The following GLT1D1 variants were observed in gnomAD, a reference collection of about 807,000 sequenced individuals.
The protein encoded by GLT1D1 is glycosyltransferase 1 domain-containing protein 1.
A neutral mutation model predicts 28.7 loss-of-function variants in GLT1D1; 21 were observed. The ratio of observed to expected loss-of-function variants is 0.73; its 90% CI spans 0.52 to 1.05. GLT1D1 has a LOEUF of 1.05. Among genes scored for constraint, GLT1D1 ranks in the 50% least tolerant of loss-of-function variants. The probability of loss-of-function intolerance (pLI) is 0.00; values close to 1 mark genes in which losing one functional copy is unlikely to be tolerated. For missense variants in GLT1D1, 343 were observed against 330.6 expected, an observed-to-expected ratio of 1.04 and a Z score of -0.29; for synonymous variants, 147 against 124.8, an observed-to-expected ratio of 1.18 and a Z score of -1.19.
intron 4 of GLT1D1, among the ~76,000 whole-genome samples, chr12:128,909,174 AT>A (rs886943593): frequency 6.6e-6 from 1 of 151,844 alleles, no homozygotes; most frequent in African/African-American, 2.4e-5. Flanking sequence ...GTGTCTGGAC[AT>A]TTTTTTTCTA....
intron 7 of GLT1D1, among the ~76,000 whole-genome samples, chr12:128,976,716 A>T (rs1423664604): frequency 6.6e-6 from 1 of 152,214 alleles, no homozygotes; most frequent in Admixed American, 6.5e-5. Flanking sequence ...TAACGTTTTA[A>T]ATCTGCCAGC....
At chr12:128,980,363 C>G (rs1593223245) in intron 7 of GLT1D1, among the ~76,000 whole-genome samples, 1 of 152,340 alleles carries the variant, frequency 6.6e-6, no homozygotes, top group African/African-American at 2.4e-5. Context: ...TCACGGTTCT[C>G]TTGTTGAAGA....
intron 4 of GLT1D1, among the ~76,000 whole-genome samples, chr12:128,914,315 C>T (rs1871861976): frequency 6.6e-6 from 1 of 152,048 alleles, no homozygotes; most frequent in Admixed American, 6.6e-5. Flanking sequence ...CTGTTACTTC[C>T]TGGCATTTTT....
Position 128,881,080 on chromosome 12 carries a change from C to T in GLT1D1, c.217+5018C>T, listed in dbSNP as rs541504102. On this transcript the variant is annotated intron_variant, in intron 2 of 7. Coordinates refer to ENST00000281703, the MANE Select transcript of GLT1D1 (RefSeq NM_144669.3). ...TCTACTAAAAATACAAAAATTTAGCCGGGCGTGTTGGCGGGCGCCTGTAGT... is the reference window on the plus strand; with the variant it reads ...TCTACTAAAAATACAAAAATTTAGCTGGGCGTGTTGGCGGGCGCCTGTAGT... Among the ~76,000 whole-genome samples, 303 of 151,364 alleles carry T rather than the reference C, an allele frequency of 2.0e-3. 1 individual carries two copies. Among genetic ancestry groups the T allele is most frequent in the African/African-American group, 7.0e-3 (289 of 41,282 alleles).
chr12:128,874,082 TTCTTTCTTTCTTTCTTTCTC>T (rs1486696365), intron 1 of GLT1D1, among the ~76,000 whole-genome samples: 1 of 14,780 alleles, frequency 6.8e-5, no homozygotes, highest in African/African-American at 2.0e-4. Context: ...CTTTCTTTCT[TTCTTTCTTTCTTTCTTTCTC>T]TCTCTCTCTC....
intron 7 of GLT1D1, among the ~76,000 whole-genome samples, chr12:128,965,732 A>AAAAG (rs1555220849): frequency 0.024 from 2,513 of 104,364 alleles, 265 homozygotes; most frequent in Middle Eastern, 0.042. Flanking sequence ...AAAAAAAAAA[A>AAAAG]AAAGAAAAAG....
At chr12:128,920,417 G>A (rs887354684) in intron 4 of GLT1D1, among the ~76,000 whole-genome samples, 6 of 152,192 alleles carry the variant, frequency 3.9e-5, no homozygotes, top group African/African-American at 1.4e-4. Context: ...AGCCAGGTGT[G>A]GTAGTGCATG....
intron 4 of GLT1D1, among the ~76,000 whole-genome samples, chr12:128,924,069 A>C (rs1872931548): frequency 1.3e-5 from 2 of 151,978 alleles, no homozygotes; most frequent in South Asian, 4.1e-4. Context: ...CCCAACCCTC[A>C]CTGGGTCCTG....
At chr12:128,904,678 T>C (rs946126273) in intron 4 of GLT1D1, among the ~76,000 whole-genome samples, 3 of 145,104 alleles carry the variant, frequency 2.1e-5, no homozygotes, top group African/African-American at 8.0e-5. Context: ...CTGTTGCCCA[T>C]GCTGGAGTGC....
chr12:128,860,166 C>T (rs574303058), intron 1 of GLT1D1, among the ~76,000 whole-genome samples: 2 of 152,312 alleles, frequency 1.3e-5, no homozygotes, highest in South Asian at 2.1e-4. Context: ...TAGCATAAAG[C>T]ATTTCAGAAA....
At chr12:128,954,778 C>T (rs1278508912) in intron 6 of GLT1D1, among the ~76,000 whole-genome samples, 30 of 152,116 alleles carry the variant, frequency 2.0e-4, no homozygotes, top group Admixed American at 2.0e-3. Context: ...AGCAAGACCC[C>T]ATTGCTACAA....
chr12:128,971,474 C>CTG (rs1879068042), intron 7 of GLT1D1, among the ~76,000 whole-genome samples: 1 of 57,004 alleles, frequency 1.8e-5, no homozygotes, highest in East Asian at 1.3e-3. Context: ...CCCTCTGCCT[C>CTG]CCTCCCTCCC....
intron 7 of GLT1D1, among the ~76,000 whole-genome samples, chr12:128,962,361 G>A (rs1878054324): frequency 6.6e-6 from 1 of 152,256 alleles, no homozygotes; most frequent in South Asian, 2.1e-4. Context: ...CATCTAAGAA[G>A]GGACAGGACT....
intron 1 of GLT1D1, among the ~76,000 whole-genome samples, chr12:128,865,773 G>C (rs1956497216): frequency 6.6e-6 from 1 of 152,064 alleles, no homozygotes; most frequent in Non-Finnish European, 1.5e-5. Flanking sequence ...AGTGAGCCAA[G>C]ATCGCACCAC....
intron 7 of GLT1D1, among the ~76,000 whole-genome samples, chr12:128,975,593 G>A (rs574830227): frequency 6.6e-6 from 1 of 152,302 alleles, no homozygotes; most frequent in Admixed American, 6.5e-5. Flanking sequence ...TGGGACTACA[G>A]GCGCGTGCCA....
At position 128,961,998 on chromosome 12, in the gene GLT1D1, G is replaced by A. The variant is rs6486742; in HGVS notation, c.639+4355G>A. ...TCCCTTCCTGACACTTGTGTCCTAC[G>A]GTGGCCTTGTGTGTGTGCCCCTGTC... On this transcript the variant is annotated intron_variant, in intron 7 of 7. Transcript: ENST00000281703. 2.3e-3 allele frequency among the ~76,000 whole-genome samples: 355 copies of A among 152,148 alleles called. 3 individuals carry two copies. The highest frequency in any genetic ancestry group is 7.7e-3 in the African/African-American group (318 of 41,520).
intron 4 of GLT1D1, among the ~76,000 whole-genome samples, chr12:128,919,774 A>G (rs1008905090): frequency 1.1e-4 from 17 of 152,166 alleles, no homozygotes; most frequent in African/African-American, 4.1e-4. Context: ...AAATGTGATG[A>G]TTCCATGTTC....
intron 1 of GLT1D1, among the ~76,000 whole-genome samples, chr12:128,861,031 G>T (rs1956351940): frequency 6.6e-6 from 1 of 152,088 alleles, no homozygotes; most frequent in South Asian, 2.1e-4. Flanking sequence ...AGGAGTGGAT[G>T]TAAAAAATAT....
chr12:128,867,647 G>T (rs750826141), intron 1 of GLT1D1, among the ~76,000 whole-genome samples: 1 of 152,154 alleles, frequency 6.6e-6, no homozygotes, highest in African/African-American at 2.4e-5. Context: ...CCCAGCAGGC[G>T]CCAGTGCCTG....
Sources: gnomAD v4.1 joint callset for allele counts (sites outside exome capture counted in the v4.1 genomes callset) on GRCh38, gnomAD v4.1.1 for gene constraint, MANE v1.5 for transcripts, NCBI Gene and HGNC (gene_info 2026-07-23, HGNC 2026-07-21) for gene names.